NBAS: variants seen among roughly 807,000 people sequenced by gnomAD.
NBAS encodes NAG/BC035112 fusion.
Under a neutral mutation model 302.5 loss-of-function variants are expected in NBAS, and 219 were observed. That is an observed-to-expected ratio of 0.72 (90% CI 0.65 to 0.81). NBAS has a LOEUF of 0.81. Ranked by LOEUF, NBAS falls within the 30% of genes least tolerant of loss-of-function variation. NBAS has a pLI of 0.00. For synonymous variants in NBAS, 1,118 were observed against 1,021.6 expected (o/e 1.09, Z -1.80); for missense variants, 2,932 against 2,841.6 (o/e 1.03, Z -0.72).
At chr2:15,183,664 T>A (rs564726241) in intron 50 of NBAS, among the ~76,000 whole-genome samples, 155 of 152,138 alleles carry the variant, frequency 1.0e-3, no homozygotes, top group African/African-American at 3.6e-3. Context: ...TTCACACAGA[T>A]GTGGCCCATT....
chr2:14,807,395 A>G, the NBAS span, among the ~76,000 whole-genome samples: 1 of 151,412 alleles, frequency 6.6e-6, no homozygotes, highest in Non-Finnish European at 1.5e-5. Flanking sequence ...AATTATCCAT[A>G]GCTCTTTATA....
chr2:14,996,187 A>T, the NBAS span, among the ~76,000 whole-genome samples: 1 of 152,316 alleles, frequency 6.6e-6, no homozygotes, highest in East Asian at 1.9e-4. Context: ...GGTCTCTCTG[A>T]TAGCTAGATT....
chr2:15,385,614 T>C (rs1675252734), intron 28 of NBAS, among the ~76,000 whole-genome samples: 1 of 152,186 alleles, frequency 6.6e-6, no homozygotes, highest in South Asian at 2.1e-4. Context: ...TTGGAATAGA[T>C]GTGGATTTCC....
At chr2:15,497,766 A>C (rs1681122377) in intron 11 of NBAS, among the ~76,000 whole-genome samples, 1 of 152,212 alleles carries the variant, frequency 6.6e-6, no homozygotes, top group Non-Finnish European at 1.5e-5. Context: ...ATTAAGAAGT[A>C]TGGAATATAT....
the NBAS span, among the ~76,000 whole-genome samples, chr2:14,814,309 TG>T: frequency 1.3e-5 from 2 of 152,208 alleles, no homozygotes; most frequent in Non-Finnish European, 2.9e-5. Context: ...GTTTGCACAG[TG>T]TGCCTAGAAA....
chr2:15,087,557 A>G, the NBAS span, among the ~76,000 whole-genome samples: 1 of 152,234 alleles, frequency 6.6e-6, no homozygotes, highest in South Asian at 2.1e-4. Flanking sequence ...GAAGAAAAAT[A>G]GTAAATGTTC....
the NBAS span, among the ~76,000 whole-genome samples, chr2:15,037,812 A>C: frequency 1.4e-4 from 21 of 152,004 alleles, no homozygotes; most frequent in African/African-American, 4.6e-4. Context: ...TTTACATAGA[A>C]ACAGTAAAAA....
the NBAS span, among the ~76,000 whole-genome samples, chr2:15,074,613 AATAG>A: frequency 6.6e-6 from 1 of 151,936 alleles, no homozygotes; most frequent in African/African-American, 2.4e-5. Flanking sequence ...TATATTATAT[AATAG>A]GAGAAAAATA....
chr2:15,455,296 T>A (rs1471058005), intron 21 of NBAS, among the ~76,000 whole-genome samples: 2 of 152,208 alleles, frequency 1.3e-5, no homozygotes, highest in African/African-American at 4.8e-5. Flanking sequence ...ATATGCCCTA[T>A]GGTTTTCACT....
chr2:14,802,365 C>T, the NBAS span, among the ~76,000 whole-genome samples: 2 of 150,760 alleles, frequency 1.3e-5, no homozygotes, highest in Non-Finnish European at 3.0e-5. Context: ...GGGCTCTGTT[C>T]TGTTCCATTG....
intron 11 of NBAS, among the ~76,000 whole-genome samples, chr2:15,491,883 C>G (rs1680870923): frequency 6.6e-6 from 1 of 152,084 alleles, no homozygotes; most frequent in Non-Finnish European, 1.5e-5. Context: ...GTGATAGGAG[C>G]CTCATCTATG....
At chr2:15,483,344 C>A in intron 12 of NBAS, 1 of 438,454 alleles carries the variant, frequency 2.3e-6, no homozygotes, top group South Asian at 1.7e-5. Flanking sequence ...ACTCTTCATT[C>A]ATCTACTTAA....
At chr2:14,920,769 C>T in the NBAS span, among the ~76,000 whole-genome samples, 693 of 152,278 alleles carry the variant, frequency 4.6e-3, 9 homozygotes, top group African/African-American at 0.016. Context: ...GCTTTCTCAC[C>T]TCTCTGAGCC....
At chr2:15,437,634 G>C (rs1678096361) in intron 21 of NBAS, among the ~76,000 whole-genome samples, 1 of 152,158 alleles carries the variant, frequency 6.6e-6, no homozygotes, top group African/African-American at 2.4e-5. Context: ...TTAAACTAGA[G>C]TTAGGTAGAG....
the NBAS span, among the ~76,000 whole-genome samples, chr2:15,151,783 A>C: frequency 6.6e-6 from 1 of 152,306 alleles, no homozygotes; most frequent in African/African-American, 2.4e-5. Context: ...TCAGTCTCCT[A>C]GTATTATCCT....
At chr2:15,080,359 C>G in the NBAS span, among the ~76,000 whole-genome samples, 3 of 152,224 alleles carry the variant, frequency 2.0e-5, no homozygotes, top group Admixed American at 6.5e-5. Context: ...AGAGCCACAG[C>G]CATCCCTAAA....
At chr2:15,486,013 G>T (rs1680612780) in intron 12 of NBAS, among the ~76,000 whole-genome samples, 1 of 152,194 alleles carries the variant, frequency 6.6e-6, no homozygotes, top group Admixed American at 6.5e-5. Flanking sequence ...GGCAGAGTCT[G>T]CCCTATCCAG....
intron 19 of NBAS, among the ~76,000 whole-genome samples, chr2:15,466,323 A>C (rs1402585367): frequency 1.3e-5 from 2 of 152,190 alleles, no homozygotes; most frequent in South Asian, 2.1e-4. Flanking sequence ...ACACAGACTA[A>C]GAAAGTAACC....
Position 15,186,872 on chromosome 2 carries a change from T to C in NBAS, c.6581A>G (p.Asn2194Ser). 2.5e-6 allele frequency: 4 copies of C among 1,614,000 alleles called. No individual in the cohort carries two copies. The highest frequency in any genetic ancestry group is 3.4e-6 in the Non-Finnish European group (4 of 1,179,938). ...PPMKSEYVIT[N>S]NPWVRLATVM... is the part of the protein sequence containing the mutation. ...TGTAGCTAGTCTCACCCATGGATTA[T>C]TGGTTATGCTGGTGTTTATGGAGAA... The change falls in exon 50 of 52, where the codon AAT (asparagine) becomes AGT (serine). Residue 2194 changes from asparagine (N) to serine (S), a missense_variant. By Grantham distance (46) the Asn-to-Ser change is conservative. Coordinates refer to ENST00000281513, the MANE Select transcript of NBAS (RefSeq NM_015909.4).
Sources: allele counts gnomAD v4.1 joint callset (sites outside exome capture counted in the v4.1 genomes callset), GRCh38; gene constraint gnomAD v4.1.1; transcripts MANE v1.5; gene names NCBI Gene and HGNC (gene_info 2026-07-23, HGNC 2026-07-21).